The following RFX7 variants were observed in gnomAD, a reference collection of about 807,000 sequenced individuals.
The protein encoded by RFX7 is DNA-binding protein RFX7.
Under a neutral mutation model 111.8 loss-of-function variants are expected in RFX7, and 26 were observed. The ratio of observed to expected loss-of-function variants is 0.23; its 90% CI spans 0.17 to 0.32. The LOEUF is 0.32. Among genes scored for constraint, RFX7 ranks in the 10% least tolerant of loss-of-function variants. RFX7 has a pLI of 1.00. For synonymous variants in RFX7, 624 were observed against 624.4 expected (o/e 1.00, Z 0.01); for missense variants, 1,573 against 1,772.9 (o/e 0.89, Z 2.02).
intron 2 of RFX7, among the ~76,000 whole-genome samples, chr15:56,222,295 A>G (rs1249168095): frequency 6.6e-6 from 1 of 151,918 alleles, no homozygotes; most frequent in Admixed American, 6.6e-5. Flanking sequence ...TGTCTTTAAG[A>G]TGCTCTCTTT....
chr15:56,098,000 C>T, intron 9 of RFX7, 81 bp downstream of exon 9: 1 of 1,324,784 alleles, frequency 7.5e-7, no homozygotes. Context: ...TTATACCTGC[C>T]TTCTTTTCAT....
rs2042294104 is a variant in RFX7 at position 56,135,837 on chromosome 15, T to C, written c.401+6941A>G. On this transcript the variant is annotated intron_variant, in intron 5 of 9. Coordinates refer to ENST00000559447, the MANE Select transcript of RFX7 (RefSeq NM_022841.7). ...CCAGTTTCAGCTTTCTACATATGGC[T>C]AGCCAGTTTTCCCAGTACCATTTAT... Among the ~76,000 whole-genome samples, 4 of 152,128 alleles carry C rather than the reference T, an allele frequency of 2.6e-5. No individual in the cohort carries two copies. The South Asian group carries it at 8.3e-4, about 32-fold the overall frequency.
intron 3 of RFX7, among the ~76,000 whole-genome samples, chr15:56,151,175 C>T (rs1012495807): frequency 6.6e-6 from 1 of 152,158 alleles, no homozygotes; most frequent in African/African-American, 2.4e-5. Context: ...CCGAGCAAGA[C>T]AGGCCAACAT....
chr15:56,196,431 G>A (rs757572472), intron 2 of RFX7, among the ~76,000 whole-genome samples: 19 of 151,502 alleles, frequency 1.3e-4, no homozygotes, highest in Non-Finnish European at 2.8e-4. Context: ...GAAGTTCTGC[G>A]GCATGTATCA....
At chr15:56,184,597 T>C (rs1166970523) in intron 2 of RFX7, among the ~76,000 whole-genome samples, 1 of 152,126 alleles carries the variant, frequency 6.6e-6, no homozygotes, top group Non-Finnish European at 1.5e-5. Context: ...TCTCTATCAA[T>C]TTAAGGCACT....
At chr15:56,120,746 T>C (rs1326825796) in intron 5 of RFX7, among the ~76,000 whole-genome samples, 2 of 152,216 alleles carry the variant, frequency 1.3e-5, no homozygotes, top group Non-Finnish European at 2.9e-5. Flanking sequence ...GCTTTTTATT[T>C]TTCTGTGTAT....
chr15:56,235,336 G>A (rs1359011849), intron 2 of RFX7, among the ~76,000 whole-genome samples: 1 of 151,994 alleles, frequency 6.6e-6, no homozygotes, highest in Non-Finnish European at 1.5e-5. Context: ...CACTGTGACT[G>A]GCTAATTTTT....
chr15:56,219,485 T>C (rs11637515), intron 2 of RFX7, among the ~76,000 whole-genome samples: 19,839 of 152,214 alleles, frequency 0.13, 1,697 homozygotes, highest in East Asian at 0.44. Flanking sequence ...GCAATAAGCA[T>C]AGTACCTGAT....
Position 56,095,487 on chromosome 15 carries a change from T to C in RFX7, c.2241A>G (p.Gln747=). ...TATCTGGAGATGATGATGGGGTTGT[T>C]TGCTGTTCCAAAGCTGAATCACTGA... The part of the protein sequence containing the change: ...LVISDSALEQ[Q]TTPSSSPDIK... Residue 747 remains glutamine, a synonymous_variant, in exon 10 of 10, where the codon CAA becomes CAG. Transcript: ENST00000559447. The C allele has an allele frequency of 6.2e-7, 1 of 1,612,762 alleles. No individual in the cohort carries two copies. Among genetic ancestry groups the C allele is most frequent in the Admixed American group, 1.7e-5 (1 of 60,024 alleles).
intron 2 of RFX7, among the ~76,000 whole-genome samples, chr15:56,210,600 A>AT (rs2043304015): frequency 6.6e-6 from 1 of 152,146 alleles, no homozygotes; most frequent in African/African-American, 2.4e-5. Flanking sequence ...AATAGAAATT[A>AT]TAGAGTATCT....
chr15:56,232,639 GCT>G (rs745951733), intron 2 of RFX7, among the ~76,000 whole-genome samples: 2 of 152,064 alleles, frequency 1.3e-5, no homozygotes, highest in African/African-American at 4.8e-5. Flanking sequence ...GAACTTTTAT[GCT>G]CTGTTTCCTT....
chr15:56,222,332 G>A (rs758547010), intron 2 of RFX7, among the ~76,000 whole-genome samples: 34 of 151,916 alleles, frequency 2.2e-4, no homozygotes, highest in Non-Finnish European at 4.3e-4. Context: ...AATTGTACTC[G>A]TTGTGCTACT....
chr15:56,233,182 A>G (rs2043586903), intron 2 of RFX7, among the ~76,000 whole-genome samples: 1 of 152,224 alleles, frequency 6.6e-6, no homozygotes, highest in Non-Finnish European at 1.5e-5. Context: ...TCACAGTTCC[A>G]TGTGGATGGG....
chr15:56,169,162 T>C (rs770049807), intron 3 of RFX7, among the ~76,000 whole-genome samples: 1 of 152,182 alleles, frequency 6.6e-6, no homozygotes. Context: ...GTAAAGTGAA[T>C]AGCACCTACA....
intron 2 of RFX7, among the ~76,000 whole-genome samples, chr15:56,204,568 A>G (rs541532877): frequency 6.6e-6 from 1 of 152,318 alleles, no homozygotes; most frequent in East Asian, 1.9e-4. Flanking sequence ...TAAAGCTTTG[A>G]GGGTCTAGAT....
intron 3 of RFX7, among the ~76,000 whole-genome samples, chr15:56,172,922 C>G (rs1657445330): frequency 6.6e-6 from 1 of 152,090 alleles, no homozygotes. Flanking sequence ...ACCACCATCT[C>G]AAAACATGAA....
At chr15:56,197,521 T>G (rs1053183769) in intron 2 of RFX7, among the ~76,000 whole-genome samples, 5 of 152,168 alleles carry the variant, frequency 3.3e-5, no homozygotes, top group Admixed American at 6.5e-5. Context: ...TGATAGTTTT[T>G]TTTTCATATA....
intron 2 of RFX7, among the ~76,000 whole-genome samples, chr15:56,204,144 C>T (rs1228919977): frequency 1.3e-5 from 2 of 151,578 alleles, no homozygotes; most frequent in Admixed American, 1.3e-4. Context: ...CCTCAGCCTC[C>T]GAGTAGCTGG....
At position 56,243,485 on chromosome 15, in the gene RFX7, A is replaced by G; in HGVS notation, c.-43T>C. 1.0e-6 allele frequency: 1 copy of G among 984,696 alleles called. No individual in the cohort carries two copies. Among genetic ancestry groups the G allele is most frequent in the Non-Finnish European group, 1.2e-6 (1 of 829,722 alleles). 61.0% of individuals were successfully genotyped at this position (984,696 alleles called of 1,614,324 possible). ...AGTCGCTTTCGCCTGCCGCCTGGGG[A>G]ACATCACCGGGGAGACCAGCGGCTC... On this transcript the variant is annotated 5_prime_UTR_variant, in exon 1 of 10. Coordinates refer to ENST00000559447, the MANE Select transcript of RFX7 (RefSeq NM_022841.7).
Sources: gnomAD v4.1 joint callset for allele counts (sites outside exome capture counted in the v4.1 genomes callset) on GRCh38, gnomAD v4.1.1 for gene constraint, MANE v1.5 for transcripts, NCBI Gene and HGNC (gene_info 2026-07-23, HGNC 2026-07-21) for gene names.